Variants in ZCWPW2 observed in about 807,000 individuals in gnomAD.
The protein encoded by ZCWPW2 is zinc finger CW-type PWWP domain protein 2.
ZCWPW2 carries 45 observed loss-of-function variants against 46.6 expected under a neutral mutation model. That is an observed-to-expected ratio of 0.96 (90% confidence interval 0.76 to 1.24). The LOEUF (loss-of-function observed/expected upper bound fraction) is 1.24. ZCWPW2 is among the 50% of genes most tolerant of loss of function. The pLI is 0.00. For missense variants in ZCWPW2, 429 were observed against 403.9 expected (o/e 1.06, Z -0.53); for synonymous variants, 152 against 137.1 (o/e 1.11, Z -0.76).
intron 4 of ZCWPW2, among the ~76,000 whole-genome samples, chr3:28,459,231 A>C (rs956940332): frequency 6.6e-6 from 1 of 152,090 alleles, no homozygotes; most frequent in African/African-American, 2.4e-5. Flanking sequence ...TTAGCCAGGC[A>C]TGCTGGCAGG....
chr3:28,489,969 A>T (rs1018119971), intron 5 of ZCWPW2, among the ~76,000 whole-genome samples: 1 of 151,872 alleles, frequency 6.6e-6, no homozygotes, highest in African/African-American at 2.4e-5. Flanking sequence ...TCCAGCATTT[A>T]TAATAAGCAA....
intron 4 of ZCWPW2, among the ~76,000 whole-genome samples, chr3:28,455,710 C>G (rs890031905): frequency 6.6e-6 from 1 of 152,094 alleles, no homozygotes; most frequent in Admixed American, 6.5e-5. Flanking sequence ...TATGGCTAGC[C>G]AGTTCTCCCA....
At chr3:28,448,848 C>A (rs1698111661) in intron 4 of ZCWPW2, among the ~76,000 whole-genome samples, 2 of 108,130 alleles carry the variant, frequency 1.8e-5, no homozygotes, top group Non-Finnish European at 1.9e-5. Context: ...CAATACTACC[C>A]AAAGCAATGT....
chr3:28,401,027 A>C (rs2125727937), intron 2 of ZCWPW2, among the ~76,000 whole-genome samples: 1 of 152,118 alleles, frequency 6.6e-6, no homozygotes, highest in South Asian at 2.1e-4. Flanking sequence ...AAAATACAAA[A>C]AATTAGCCGG....
At chr3:28,404,394 G>A (rs1402429816) in intron 2 of ZCWPW2, among the ~76,000 whole-genome samples, 3 of 152,012 alleles carry the variant, frequency 2.0e-5, no homozygotes, top group South Asian at 2.1e-4. Context: ...GCATGGATGC[G>A]GTGAACAGGG....
At chr3:28,458,202 C>T (rs1341485053) in intron 4 of ZCWPW2, among the ~76,000 whole-genome samples, 1 of 152,194 alleles carries the variant, frequency 6.6e-6, no homozygotes, top group African/African-American at 2.4e-5. Flanking sequence ...GTCTTACTCT[C>T]TATGTAAACT....
intron 3 of ZCWPW2, among the ~76,000 whole-genome samples, chr3:28,434,127 A>G (rs1697386924): frequency 6.6e-6 from 1 of 152,162 alleles, no homozygotes. Context: ...TACAGTGATT[A>G]TGTTCCCATA....
At chr3:28,512,036 T>C (rs1349420054) in intron 6 of ZCWPW2, among the ~76,000 whole-genome samples, 1 of 152,206 alleles carries the variant, frequency 6.6e-6, no homozygotes, top group Non-Finnish European at 1.5e-5. Flanking sequence ...GGCTACCTTC[T>C]TGAATTTTAG....
At chr3:28,450,787 T>C (rs571071407) in intron 4 of ZCWPW2, among the ~76,000 whole-genome samples, 232 of 152,318 alleles carry the variant, frequency 1.5e-3, no homozygotes, top group Middle Eastern at 3.4e-3. Context: ...CATTGTATTA[T>C]GACGTTTACC....
intron 1 of ZCWPW2, among the ~76,000 whole-genome samples, chr3:28,353,943 G>T (rs1704641641): frequency 6.6e-6 from 1 of 152,148 alleles, no homozygotes; most frequent in African/African-American, 2.4e-5. Context: ...CTGAGGCTTT[G>T]CAGTTATACT....
chr3:28,390,181 C>T (rs1454807271), intron 1 of ZCWPW2, among the ~76,000 whole-genome samples: 1 of 152,200 alleles, frequency 6.6e-6, no homozygotes, highest in Non-Finnish European at 1.5e-5. Context: ...AGAATATCAT[C>T]TTCACAGAGT....
At chr3:28,479,022 A>G (rs1189597572) in intron 5 of ZCWPW2, 91 bp downstream of exon 5, 20 of 786,544 alleles carry the variant, frequency 2.5e-5, no homozygotes, top group Non-Finnish European at 4.0e-5. Flanking sequence ...AAAAATCTCT[A>G]TCTCTTTCTC....
chr3:28,432,314 G>C (rs1309969079), intron 3 of ZCWPW2, among the ~76,000 whole-genome samples: 1 of 152,110 alleles, frequency 6.6e-6, no homozygotes, highest in Non-Finnish European at 1.5e-5. Context: ...TAACATGTGG[G>C]GGCATACGAA....
intron 4 of ZCWPW2, among the ~76,000 whole-genome samples, chr3:28,452,802 G>A (rs141098982): frequency 9.2e-5 from 14 of 152,260 alleles, no homozygotes; most frequent in African/African-American, 2.6e-4. Flanking sequence ...CATCTCTATA[G>A]GGGAGAGTAC....
At chr3:28,512,228 A>T (rs957557011) in intron 6 of ZCWPW2, among the ~76,000 whole-genome samples, 7 of 150,160 alleles carry the variant, frequency 4.7e-5, no homozygotes, top group Admixed American at 1.3e-4. Context: ...CCCAGGCTGG[A>T]GTTCAGTGGT....
At chr3:28,452,455 C>T (rs1287578444) in intron 4 of ZCWPW2, among the ~76,000 whole-genome samples, 1 of 152,066 alleles carries the variant, frequency 6.6e-6, no homozygotes, top group Non-Finnish European at 1.5e-5. Flanking sequence ...GCCACCGTGC[C>T]TGGCTAATTT....
rs938897421 is a variant in ZCWPW2, at chr3:28,476,491, T to G, written c.493-2323T>G. Among the ~76,000 whole-genome samples the G allele has an allele frequency of 9.9e-5, 15 of 152,260 alleles. No individual in the cohort carries two copies. The East Asian group carries it at 1.4e-3, about 14-fold the overall frequency. On this transcript the variant is annotated intron_variant, in intron 4 of 9. Transcript: ENST00000383768. ...GTCATCAAAGTTTATTTTAGCTATA[T>G]GGCACTGATTTTTCTCAAGAATTTT...
intron 5 of ZCWPW2, among the ~76,000 whole-genome samples, chr3:28,479,814 G>A (rs1461051890): frequency 1.3e-5 from 2 of 152,042 alleles, no homozygotes; most frequent in African/African-American, 4.8e-5. Flanking sequence ...AATGCTAATG[G>A]CATCCAGCTC....
At chr3:28,427,100 CA>C (rs1697044617) in intron 3 of ZCWPW2, among the ~76,000 whole-genome samples, 1 of 152,166 alleles carries the variant, frequency 6.6e-6, no homozygotes, top group African/African-American at 2.4e-5. Flanking sequence ...CCACAGATTC[CA>C]AAATTGATCG....
Sources: gnomAD v4.1 joint callset for allele counts (sites outside exome capture counted in the v4.1 genomes callset) on GRCh38, gnomAD v4.1.1 for gene constraint, MANE v1.5 for transcripts, NCBI Gene and HGNC (gene_info 2026-07-23, HGNC 2026-07-21) for gene names.